Variants in ACSL1 observed in about 807,000 individuals in gnomAD.
ACSL1 encodes the protein acyl-CoA synthetase long chain family member 1.
Under a neutral mutation model 98.4 loss-of-function variants are expected in ACSL1, and 41 were observed. That is an observed-to-expected ratio of 0.42 (90% CI 0.32 to 0.54). The LOEUF is 0.54. ACSL1 is among the 20% of genes least tolerant of loss of function. ACSL1 has a pLI of 0.13. For synonymous variants in ACSL1, 316 were observed against 322.7 expected, an observed-to-expected ratio of 0.98 and a Z score of 0.22; for missense variants, 734 against 883.1, an observed-to-expected ratio of 0.83 and a Z score of 2.14.
In ACSL1 at chr4:184,770,201, C is replaced by T. The variant is rs72695630; in HGVS notation, c.993+198G>A. The T allele has an allele frequency of 1.2e-3, 1,790 of 1,439,216 alleles. 4 individuals are homozygous for T. The highest frequency in any genetic ancestry group is 1.3e-3 in the Non-Finnish European group (1,369 of 1,065,566). The allele number at this position is 1,439,216 out of a possible 1,614,324, so 89.2% of individuals were successfully genotyped here. On this transcript the variant is annotated intron_variant, in intron 11 of 20. Coordinates refer to ENST00000281455, the MANE Select transcript of ACSL1 (RefSeq NM_001995.5). ...CAAATAATCTGCACCATTTCTAAAA[C>T]GGGGCTGAGCAGAGAATTCTCTATA...
intron 17 of ACSL1, among the ~76,000 whole-genome samples, chr4:184,761,345 T>C (rs1762827452): frequency 6.6e-6 from 1 of 152,184 alleles, no homozygotes. Flanking sequence ...TTTTGGGAGG[T>C]ATTTTTCTAA....
chr4:184,770,147 C>T (rs577673529), intron 11 of ACSL1: 2 of 1,050,050 alleles, frequency 1.9e-6, no homozygotes, highest in African/African-American at 1.6e-5. Context: ...GTATCCTGTT[C>T]ATACTCAGAA....
chr4:184,807,849 C>T (rs368152677), intron 1 of ACSL1, among the ~76,000 whole-genome samples: 1 of 152,178 alleles, frequency 6.6e-6, no homozygotes, highest in Non-Finnish European at 1.5e-5. Context: ...GGACACCAAC[C>T]AATGTGACTC....
intron 3 of ACSL1, 65 bp downstream of exon 3, chr4:184,788,552 A>G: frequency 7.7e-7 from 1 of 1,300,478 alleles, no homozygotes; most frequent in Non-Finnish European, 1.1e-6. Context: ...TGCATTTCTG[A>G]AAGGCCACTC....
rs776851663 is a variant in ACSL1, at chr4:184,766,602, G to A, written c.1263+20C>T. 1 of 1,607,862 alleles carries A rather than the reference G, an allele frequency of 6.2e-7. No homozygotes were observed. Among genetic ancestry groups the A allele is most frequent in the Non-Finnish European group, 8.5e-7 (1 of 1,175,188 alleles). ...CGAAGTCGGTTTCCATGGGAGCAGT[G>A]GCTGTGAGTCACGTGTTACCTGTAC... On this transcript the variant is annotated intron_variant, in intron 13 of 20. Coordinates refer to ENST00000281455, the MANE Select transcript of ACSL1 (RefSeq NM_001995.5). The surrounding 1 kb of genome is among the most constrained non-coding windows in gnomAD (Gnocchi z 4.8).
chr4:184,766,784 T>G lies in ACSL1; in HGVS notation c.1129-28A>C. On this transcript the variant is annotated intron_variant, in intron 12 of 20. Transcript: ENST00000281455. The surrounding 1 kb of genome is among the most constrained non-coding windows in gnomAD (Gnocchi z 4.8). ...AATGAGGCAAGACATGAGAAAGTTTTCACACCTACTAGGATGGCCAGAGTC... is the reference window on the plus strand; with the variant it reads ...AATGAGGCAAGACATGAGAAAGTTTGCACACCTACTAGGATGGCCAGAGTC... The G allele has an allele frequency of 6.2e-7, 1 of 1,601,194 alleles. No individual in the cohort carries two copies.
rs371073303 is a variant in ACSL1, at chr4:184,770,510, A to G, written c.916-34T>C. On this transcript the variant is annotated intron_variant, in intron 10 of 20. Coordinates refer to ENST00000281455, the MANE Select transcript of ACSL1 (RefSeq NM_001995.5). ...AAAGACACCAGCAAGGCAGAAAAGC[A>G]TTAAGACTCCCAGTGAAGGGGAACA... The G allele has an allele frequency of 4.0e-5, 57 of 1,422,778 alleles. No homozygotes were observed. In the Middle Eastern group the frequency reaches 5.9e-4, roughly 15 times the overall value. 88.1% of individuals were successfully genotyped at this position (1,422,778 alleles called of 1,614,324 possible). A position where few individuals can be genotyped will look rare whatever the true frequency, so the allele number is the denominator to read the frequency against.
intron 2 of ACSL1, among the ~76,000 whole-genome samples, chr4:184,801,151 A>T (rs1050214966): frequency 6.6e-6 from 1 of 152,184 alleles, no homozygotes; most frequent in African/African-American, 2.4e-5. Flanking sequence ...CACTGCACCC[A>T]GCTCTACAAT....
chr4:184,794,750 C>A (rs555002833), intron 2 of ACSL1, among the ~76,000 whole-genome samples: 24 of 152,310 alleles, frequency 1.6e-4, no homozygotes, highest in African/African-American at 5.8e-4. Context: ...CATGCCCACA[C>A]CTCCTTCGTC....
chr4:184,768,580 AGGT>A, intron 11 of ACSL1, 130 bp from the exon 12 acceptor site: 2 of 1,337,560 alleles, frequency 1.5e-6, no homozygotes, highest in African/African-American at 1.5e-5. Flanking sequence ...TCCTAAATAT[AGGT>A]AACTTAAAAA....
At chr4:184,761,542 G>A (rs1762857190) in intron 17 of ACSL1, among the ~76,000 whole-genome samples, 1 of 152,174 alleles carries the variant, frequency 6.6e-6, no homozygotes, top group Non-Finnish European at 1.5e-5. Context: ...TCACTCTTAA[G>A]ATAGACTCTT....
chr4:184,764,841 C>T lies in ACSL1; in HGVS notation c.1432+12G>A. 6.2e-7 allele frequency: 1 copy of T among 1,612,072 alleles called. No individual in the cohort carries two copies. The highest frequency in any genetic ancestry group is 1.1e-5 in the South Asian group (1 of 90,864). On this transcript the variant is annotated intron_variant, in intron 15 of 20. Coordinates refer to ENST00000281455, the MANE Select transcript of ACSL1 (RefSeq NM_001995.5). ...TAACAAAATTCCAAAAAGGAGCCTC[C>T]TACAGCCATACCTGCGGTCCAGTCT...
intron 5 of ACSL1, among the ~76,000 whole-genome samples, chr4:184,780,110 G>C (rs906840827): frequency 6.6e-6 from 1 of 152,156 alleles, no homozygotes; most frequent in Non-Finnish European, 1.5e-5. Context: ...GACCTCTGGT[G>C]ACCCACCCGC....
At chr4:184,784,022 T>C in intron 3 of ACSL1, 31 bp from the exon 4 acceptor site, 1 of 1,550,008 alleles carries the variant, frequency 6.5e-7, no homozygotes, top group Non-Finnish European at 8.9e-7. Flanking sequence ...ACAGATGGGC[T>C]GAACGTACAT....
At position 184,803,379 on chromosome 4, in the gene ACSL1, T is replaced by A; in HGVS notation, c.136A>T (p.Thr46Ser). The part of the protein sequence containing the change: ...FAALTTFWYA[T>S]RPKPLKPPCD... ...GGCGGCTTCAGGGGTTTGGGTCTCG[T>A]GGCGTACCAGAAGGTGGTGAGTGCT... is the stretch of plus-strand genomic sequence containing the variant. The change falls in exon 2 of 21, where the codon ACG (threonine) becomes TCG (serine). Residue 46 changes from threonine to serine, a missense_variant. Physicochemically the swap from Thr to Ser is moderately conservative, Grantham distance 58. Transcript: ENST00000281455. The surrounding 1 kb of genome is among the most constrained non-coding windows in gnomAD (Gnocchi z 4.8). 1 of 1,613,590 alleles carries A rather than the reference T, an allele frequency of 6.2e-7. No homozygotes were observed.
At chr4:184,788,571 T>C (rs202072328) in intron 3 of ACSL1, 46 bp downstream of exon 3, 59 of 1,481,234 alleles carry the variant, frequency 4.0e-5, no homozygotes, top group Non-Finnish European at 5.6e-5. Context: ...TCGTTCTTCA[T>C]GAAACACGGC....
intron 1 of ACSL1, chr4:184,813,702 T>C: frequency 2.8e-6 from 1 of 354,536 alleles, no homozygotes; most frequent in East Asian, 7.7e-5. Flanking sequence ...AGAAGACTCT[T>C]CACCTTACTG....
At chr4:184,790,487 A>T (rs1205012836) in intron 2 of ACSL1, among the ~76,000 whole-genome samples, 7 of 152,198 alleles carry the variant, frequency 4.6e-5, no homozygotes, top group Non-Finnish European at 1.0e-4. Flanking sequence ...TGACCTAACC[A>T]TATCTTTTAA....
Position 184,764,295 on chromosome 4 carries a change from T to G in ACSL1, c.1432+558A>C, listed in dbSNP as rs553259012. Among the ~76,000 whole-genome samples the G allele has an allele frequency of 3.3e-5, 5 of 152,344 alleles. No individual in the cohort carries two copies. The East Asian group carries it at 9.6e-4, about 29-fold the overall frequency. On this transcript the variant is annotated intron_variant, in intron 15 of 20. Coordinates refer to ENST00000281455, the MANE Select transcript of ACSL1 (RefSeq NM_001995.5). ...AGAACTTATCTCACAGGGACACTGT[T>G]GGGGTTACACTGACATTAGGTACAT...
Sources: gnomAD v4.1 joint callset for allele counts (sites outside exome capture counted in the v4.1 genomes callset) on GRCh38, gnomAD v4.1.1 for gene constraint, Gnocchi (gnomAD v3.1) non-coding constraint, MANE v1.5 for transcripts, NCBI Gene and HGNC (gene_info 2026-07-23, HGNC 2026-07-21) for gene names.